FGGY: variants seen among roughly 807,000 people sequenced by gnomAD.
FGGY encodes FGGY carbohydrate kinase domain-containing protein.
FGGY carries 72 observed loss-of-function variants against 71.3 expected under a neutral mutation model. That is an observed-to-expected ratio of 1.01 (90% confidence interval 0.84 to 1.23). The LOEUF (loss-of-function observed/expected upper bound fraction) is 1.23, where lower values mean the gene tolerates loss of function less well. Among genes scored for constraint, FGGY ranks in the 50% most tolerant of loss-of-function variants. The probability of loss-of-function intolerance (pLI) is 0.00; values close to 1 mark genes in which losing one functional copy is unlikely to be tolerated. For synonymous variants in FGGY, 251 were observed against 250.3 expected (o/e 1.00, Z -0.02); for missense variants, 668 against 682.3 (o/e 0.98, Z 0.23).
intron 14 of FGGY, among the ~76,000 whole-genome samples, chr1:59,753,177 A>G (rs767607477): frequency 2.5e-4 from 38 of 152,220 alleles, no homozygotes; most frequent in Non-Finnish European, 5.1e-4. Flanking sequence ...TGGAACAGAA[A>G]TATATTGTGG....
chr1:59,502,432 C>T (rs1449855511), intron 6 of FGGY, among the ~76,000 whole-genome samples: 1 of 152,132 alleles, frequency 6.6e-6, no homozygotes, highest in Non-Finnish European at 1.5e-5. Flanking sequence ...TAGGTGAGAA[C>T]AAAATAGGGC....
intron 6 of FGGY, among the ~76,000 whole-genome samples, chr1:59,464,991 G>A (rs527952522): frequency 2.0e-5 from 3 of 152,182 alleles, no homozygotes; most frequent in Non-Finnish European, 4.4e-5. Context: ...GAAAAAGAGG[G>A]TATCCTCCCT....
At chr1:59,692,956 C>T (rs1389961912) in intron 14 of FGGY, among the ~76,000 whole-genome samples, 1 of 152,110 alleles carries the variant, frequency 6.6e-6, no homozygotes, top group Non-Finnish European at 1.5e-5. Flanking sequence ...TCACATCTGC[C>T]CGTGCTGAGC....
chr1:59,755,088 C>G (rs2098278898), intron 14 of FGGY: 1 of 152,186 alleles, frequency 6.6e-6, no homozygotes, highest in Non-Finnish European at 1.5e-5. Flanking sequence ...ACCAACAGCT[C>G]TTTCCTAAAA....
At chr1:59,658,746 G>A (rs2097246357) in intron 11 of FGGY, among the ~76,000 whole-genome samples, 1 of 152,212 alleles carries the variant, frequency 6.6e-6, no homozygotes, top group Admixed American at 6.5e-5. Flanking sequence ...AGCACAATTA[G>A]AAACAGTGAG....
At chr1:59,587,238 G>C (rs1234254560) in intron 8 of FGGY, among the ~76,000 whole-genome samples, 1 of 152,206 alleles carries the variant, frequency 6.6e-6, no homozygotes, top group Non-Finnish European at 1.5e-5. Flanking sequence ...AGCAAGGCTG[G>C]GGGAGGGGCG....
chr1:59,620,080 A>G lies in FGGY; in HGVS notation c.1012-5908A>G, dbSNP rs182111407. Among the ~76,000 whole-genome samples, 428 of 152,130 alleles carry G rather than the reference A, an allele frequency of 2.8e-3. 4 individuals are homozygous for G. Among genetic ancestry groups the G allele is most frequent in the South Asian group, 0.026 (127 of 4,826 alleles). On this transcript the variant is annotated intron_variant, in intron 9 of 15. Transcript: ENST00000303721. ...GGTGAAGGTGGATTCAATGTTATGG[A>G]GTCAGAGGGAGGAAGGAGTCAAGAA...
At chr1:59,366,375 ATATT>A (rs2056592611) in intron 4 of FGGY, among the ~76,000 whole-genome samples, 2 of 152,092 alleles carry the variant, frequency 1.3e-5, no homozygotes, top group South Asian at 4.2e-4. Context: ...AGTGACATAA[ATATT>A]TATTCCACTT....
chr1:59,498,566 T>A (rs533304878), intron 6 of FGGY, among the ~76,000 whole-genome samples: 20 of 152,140 alleles, frequency 1.3e-4, no homozygotes, highest in Admixed American at 1.2e-3. Flanking sequence ...AATCACCTGG[T>A]GAGGGAGGAT....
chr1:59,574,917 G>T (rs2685542), intron 8 of FGGY, among the ~76,000 whole-genome samples: 1 of 152,074 alleles, frequency 6.6e-6, no homozygotes, highest in Non-Finnish European at 1.5e-5. Context: ...GTTTAATATA[G>T]GTTGCTGAGA....
chr1:59,340,522 A>G, intron 3 of FGGY, among the ~76,000 whole-genome samples: 1 of 152,206 alleles, frequency 6.6e-6, no homozygotes, highest in Non-Finnish European at 1.5e-5. Context: ...GATAGAAGGT[A>G]GAAGCAGATG....
Position 59,756,693 on chromosome 1 carries a change from G to A in FGGY, c.1513-1238G>A, listed in dbSNP as rs770402403. 3.0e-4 allele frequency among the ~76,000 whole-genome samples: 46 copies of A among 152,172 alleles called. 1 individual carries two copies. Among genetic ancestry groups the A allele is most frequent in the Non-Finnish European group, 7.4e-5 (5 of 68,018 alleles). On this transcript the variant is annotated intron_variant, in intron 14 of 15. Coordinates refer to ENST00000303721, the MANE Select transcript of FGGY (RefSeq NM_018291.5). ...TAGTAAACAGACAAGTCCTTGCCCT[G>A]TGTAGCTTACATTCCGGTTAGGGCA...
At chr1:59,599,185 C>A (rs2096552368) in intron 8 of FGGY, among the ~76,000 whole-genome samples, 1 of 152,086 alleles carries the variant, frequency 6.6e-6, no homozygotes. Flanking sequence ...CTTACTGTAA[C>A]CTCCACCTCC....
intron 8 of FGGY, among the ~76,000 whole-genome samples, chr1:59,594,045 A>T (rs116421204): frequency 0.053 from 8,075 of 152,240 alleles, 419 homozygotes; most frequent in African/African-American, 0.14. Context: ...CAATTAACAC[A>T]AATCCCTCAA....
intron 12 of FGGY, among the ~76,000 whole-genome samples, chr1:59,665,875 A>G (rs989165221): frequency 2.0e-5 from 3 of 152,010 alleles, no homozygotes; most frequent in East Asian, 1.9e-4. Flanking sequence ...GGGTTTCACC[A>G]TATTAGCCAG....
intron 6 of FGGY, among the ~76,000 whole-genome samples, chr1:59,467,027 T>C (rs1165406279): frequency 6.6e-6 from 1 of 152,178 alleles, no homozygotes; most frequent in East Asian, 1.9e-4. Flanking sequence ...TTATACATCA[T>C]GCTACTATAA....
chr1:59,712,639 C>T (rs1033358970), intron 14 of FGGY, among the ~76,000 whole-genome samples: 1 of 152,218 alleles, frequency 6.6e-6, no homozygotes, highest in Non-Finnish European at 1.5e-5. Context: ...TTCAGCACTA[C>T]ATGGAAGCTG....
At chr1:59,380,841 G>C (rs1325140257) in intron 5 of FGGY, among the ~76,000 whole-genome samples, 1 of 151,436 alleles carries the variant, frequency 6.6e-6, no homozygotes, top group Non-Finnish European at 1.5e-5. Flanking sequence ...CATTGCTTTT[G>C]GTGTTTTAGA....
At chr1:59,548,018 G>A (rs547737758) in intron 7 of FGGY, among the ~76,000 whole-genome samples, 3 of 152,278 alleles carry the variant, frequency 2.0e-5, no homozygotes, top group South Asian at 4.1e-4. Flanking sequence ...TGTGTTGTCT[G>A]TGCAGACACA....
Sources: allele counts gnomAD v4.1 joint callset (sites outside exome capture counted in the v4.1 genomes callset), GRCh38; gene constraint gnomAD v4.1.1; transcripts MANE v1.5; gene names NCBI Gene and HGNC (gene_info 2026-07-23, HGNC 2026-07-21).